Variants in LRRIQ3 observed in about 807,000 individuals in gnomAD.
The protein encoded by LRRIQ3 is leucine rich repeats and IQ motif containing 3.
Under a neutral mutation model 59.3 loss-of-function variants are expected in LRRIQ3, and 75 were observed. The ratio of observed to expected loss-of-function variants is 1.26; its 90% CI spans 1.05 to 1.53. LRRIQ3 has a LOEUF of 1.53. Among genes scored for constraint, LRRIQ3 ranks in the 40% most tolerant of loss-of-function variants. The pLI is 0.00. For synonymous variants in LRRIQ3, 250 were observed against 231.3 expected, an observed-to-expected ratio of 1.08 and a Z score of -0.73; for missense variants, 831 against 710.0, an observed-to-expected ratio of 1.17 and a Z score of -1.94.
chr1:74,055,130 T>A (rs1654487717), intron 6 of LRRIQ3, among the ~76,000 whole-genome samples: 1 of 144,286 alleles, frequency 6.9e-6, no homozygotes. Flanking sequence ...TGTATGCACA[T>A]ACATACACAT....
At chr1:74,194,757 A>G (rs1415399575) in intron 1 of LRRIQ3, among the ~76,000 whole-genome samples, 2 of 152,214 alleles carry the variant, frequency 1.3e-5, no homozygotes, top group Admixed American at 6.5e-5. Flanking sequence ...TATTTCTTCT[A>G]GCCCAAAACA....
intron 1 of LRRIQ3, among the ~76,000 whole-genome samples, chr1:74,191,182 C>A (rs1027396497): frequency 2.0e-5 from 3 of 152,092 alleles, no homozygotes; most frequent in African/African-American, 4.8e-5. Context: ...AAAACTATAT[C>A]AAGGACACTG....
chr1:74,087,556 C>T (rs1225947613), intron 5 of LRRIQ3, among the ~76,000 whole-genome samples: 1 of 150,842 alleles, frequency 6.6e-6, no homozygotes, highest in Admixed American at 6.6e-5. Context: ...TTAATTATCC[C>T]ATTGCATGTT....
intron 4 of LRRIQ3, among the ~76,000 whole-genome samples, chr1:74,110,929 C>T (rs1490039513): frequency 1.3e-5 from 2 of 151,942 alleles, no homozygotes; most frequent in Non-Finnish European, 2.9e-5. Flanking sequence ...CCATCAGCTA[C>T]ATGATGAATG....
At chr1:74,158,270 T>C (rs1648458950) in intron 3 of LRRIQ3, among the ~76,000 whole-genome samples, 1 of 152,160 alleles carries the variant, frequency 6.6e-6, no homozygotes, top group African/African-American at 2.4e-5. Flanking sequence ...AGATTGAGCA[T>C]TCCAAAATGT....
intron 4 of LRRIQ3, among the ~76,000 whole-genome samples, chr1:74,146,391 C>T (rs1168469280): frequency 6.6e-6 from 1 of 152,082 alleles, no homozygotes; most frequent in Non-Finnish European, 1.5e-5. Context: ...ATAAACTCCA[C>T]AAAGGCAGTG....
intron 3 of LRRIQ3, among the ~76,000 whole-genome samples, chr1:74,177,475 C>T (rs1649713770): frequency 6.6e-6 from 1 of 152,080 alleles, no homozygotes; most frequent in African/African-American, 2.4e-5. Context: ...CTCTGGGGAA[C>T]CCTGACTAAT....
In LRRIQ3 at chr1:74,041,711, A is replaced by G; in HGVS notation, c.1220T>C (p.Phe407Ser). ...DIRLERSMKEFFAPQRAGMKL... is the reference protein window; with the variant it reads ...DIRLERSMKESFAPQRAGMKL... ...CATACCAGCTCTTTGTGGTGCAAAA[A>G]ACTCTTTCATACTCCGCTCCAATCG... The change falls in exon 7 of 8, where the codon TTT becomes TCT. Residue 407 changes from phenylalanine (F) to serine (S), a missense_variant. Coordinates refer to ENST00000354431, the MANE Select transcript of LRRIQ3 (RefSeq NM_001105659.2). 6.2e-7 allele frequency: 1 copy of G among 1,613,526 alleles called. No individual in the cohort carries two copies.
At chr1:74,131,661 G>A (rs921236220) in intron 4 of LRRIQ3, among the ~76,000 whole-genome samples, 1 of 152,106 alleles carries the variant, frequency 6.6e-6, no homozygotes, top group Non-Finnish European at 1.5e-5. Flanking sequence ...AAAGGCCTTT[G>A]ACAAAATTCA....
intron 3 of LRRIQ3, among the ~76,000 whole-genome samples, chr1:74,168,731 C>T (rs1015198646): frequency 1.3e-5 from 2 of 151,802 alleles, no homozygotes; most frequent in African/African-American, 2.4e-5. Context: ...TTAGATTTAT[C>T]TATAGTGAGG....
chr1:74,095,630 T>C (rs904212559), intron 5 of LRRIQ3, among the ~76,000 whole-genome samples: 4 of 152,110 alleles, frequency 2.6e-5, no homozygotes, highest in African/African-American at 7.2e-5. Context: ...GTAAGAATGC[T>C]TTTTTATGTA....
intron 5 of LRRIQ3, among the ~76,000 whole-genome samples, chr1:74,084,903 C>A (rs1462060714): frequency 1.3e-5 from 2 of 151,678 alleles, no homozygotes; most frequent in Non-Finnish European, 1.5e-5. Context: ...ATTATAATGA[C>A]CACGGTACTG....
intron 6 of LRRIQ3, among the ~76,000 whole-genome samples, chr1:74,061,640 A>T (rs1358319756): frequency 6.6e-6 from 1 of 152,156 alleles, no homozygotes; most frequent in Non-Finnish European, 1.5e-5. Flanking sequence ...ACCTAAAACC[A>T]TGAAAACCCT....
chr1:74,176,254 T>C (rs1333777080), intron 3 of LRRIQ3, among the ~76,000 whole-genome samples: 1 of 152,142 alleles, frequency 6.6e-6, no homozygotes, highest in African/African-American at 2.4e-5. Flanking sequence ...TTTGATAGTG[T>C]TATTTTCTTT....
At chr1:74,029,827 C>T (rs1337108740) in intron 7 of LRRIQ3, among the ~76,000 whole-genome samples, 2 of 151,998 alleles carry the variant, frequency 1.3e-5, no homozygotes, top group Admixed American at 1.3e-4. Flanking sequence ...CCATCTGGTC[C>T]TGGACTTTTT....
chr1:74,108,807 A>AT (rs1470959549), intron 5 of LRRIQ3: 14 of 309,454 alleles, frequency 4.5e-5, no homozygotes, highest in Non-Finnish European at 7.6e-5. Context: ...CTACCTATTA[A>AT]TTATGTAGCT....
intron 4 of LRRIQ3, among the ~76,000 whole-genome samples, chr1:74,121,477 G>A (rs1482519473): frequency 1.3e-5 from 2 of 152,134 alleles, no homozygotes; most frequent in African/African-American, 2.4e-5. Context: ...CAGTAAGCTA[G>A]TGAGAAGTTT....
intron 4 of LRRIQ3, among the ~76,000 whole-genome samples, chr1:74,117,096 A>G (rs973518703): frequency 6.6e-6 from 1 of 152,152 alleles, no homozygotes; most frequent in Non-Finnish European, 1.5e-5. Flanking sequence ...AAAAGTCACT[A>G]TCATTTTCAG....
intron 3 of LRRIQ3, among the ~76,000 whole-genome samples, chr1:74,160,157 T>C (rs1648576412): frequency 1.3e-5 from 2 of 152,056 alleles, no homozygotes. Flanking sequence ...TATAACACCC[T>C]TTGCTATTTT....
Sources: gnomAD v4.1 joint callset for allele counts (sites outside exome capture counted in the v4.1 genomes callset) on GRCh38, gnomAD v4.1.1 for gene constraint, MANE v1.5 for transcripts, NCBI Gene and HGNC (gene_info 2026-07-23, HGNC 2026-07-21) for gene names.